SORBS2: variants seen among roughly 807,000 people sequenced by gnomAD.
SORBS2 encodes the protein sorbin and SH3 domain containing 2, also known as sorbin and SH3 domain-containing protein 2.
A neutral mutation model predicts 97.7 loss-of-function variants in SORBS2; 46 were observed. The ratio of observed to expected loss-of-function variants is 0.47; its 90% CI spans 0.37 to 0.60. The LOEUF is 0.60. Among genes scored for constraint, SORBS2 ranks in the 20% least tolerant of loss-of-function variants. SORBS2 has a pLI of 0.00. For synonymous variants in SORBS2, 476 were observed against 473.4 expected (o/e 1.01, Z -0.07); for missense variants, 1,316 against 1,282.3 (o/e 1.03, Z -0.40).
chr4:185,933,962 C>T (rs1042309522), intron 1 of SORBS2, among the ~76,000 whole-genome samples: 3 of 152,182 alleles, frequency 2.0e-5, no homozygotes, highest in African/African-American at 7.2e-5. Context: ...GCCTGCTAAG[C>T]TGCACACTTT....
chr4:185,893,842 T>C (rs1184719754), intron 1 of SORBS2, among the ~76,000 whole-genome samples: 1 of 152,176 alleles, frequency 6.6e-6, no homozygotes, highest in Non-Finnish European at 1.5e-5. Context: ...ACCCTGGAGC[T>C]GCCCTCAGGA....
At chr4:185,894,491 C>G (rs1441804021) in intron 1 of SORBS2, 2 of 152,146 alleles carry the variant, frequency 1.3e-5, no homozygotes, top group African/African-American at 4.8e-5. Context: ...GACATAATCT[C>G]CAGTTCCTTT....
chr4:185,847,319 A>G (rs1389923743), intron 1 of SORBS2, among the ~76,000 whole-genome samples: 1 of 152,138 alleles, frequency 6.6e-6, no homozygotes, highest in Non-Finnish European at 1.5e-5. Context: ...GATTGGAGAA[A>G]AGGGACTGAA....
chr4:185,825,518 T>C (rs957839255), intron 1 of SORBS2, among the ~76,000 whole-genome samples: 2 of 152,262 alleles, frequency 1.3e-5, no homozygotes, highest in Non-Finnish European at 2.9e-5. Flanking sequence ...GTTTGTTTTA[T>C]TTGGATCAGA....
At chr4:185,713,530 C>A (rs1057054967) in intron 2 of SORBS2, among the ~76,000 whole-genome samples, 1 of 151,580 alleles carries the variant, frequency 6.6e-6, no homozygotes, top group Non-Finnish European at 1.5e-5. Flanking sequence ...GACGTTCAGT[C>A]CACGTACTGG....
intron 2 of SORBS2, among the ~76,000 whole-genome samples, chr4:185,681,211 A>T (rs937784818): frequency 6.6e-6 from 1 of 152,134 alleles, no homozygotes; most frequent in African/African-American, 2.4e-5. Context: ...AATAAATCCA[A>T]TTACAGATAC....
intron 1 of SORBS2, among the ~76,000 whole-genome samples, chr4:185,945,195 A>C (rs2150010833): frequency 6.6e-6 from 1 of 152,330 alleles, no homozygotes; most frequent in Middle Eastern, 3.4e-3. Flanking sequence ...AGTTTAGTCC[A>C]CCTATTTGAT....
At position 185,824,012 on chromosome 4, in the gene SORBS2, T is replaced by G. The variant is rs538843242; in HGVS notation, c.-337-48646A>C. 2.6e-5 allele frequency among the ~76,000 whole-genome samples: 4 copies of G among 152,262 alleles called. No individual in the cohort carries two copies. The South Asian group carries it at 6.2e-4, about 24-fold the overall frequency. ...GTTAGGTCATCTTGGGCAGCCTACT[T>G]AACTCTCAGGGTCCTCATTTTTTTG... On this transcript the variant is annotated intron_variant, in intron 1 of 20. Transcript: ENST00000284776.
At chr4:185,685,439 T>G (rs10018782) in intron 2 of SORBS2, among the ~76,000 whole-genome samples, 52,475 of 152,118 alleles carry the variant, frequency 0.34, 9,196 homozygotes, top group Admixed American at 0.4. Context: ...TAGTGTTAGT[T>G]ATGCAAATAA....
rs138511016 is a variant in SORBS2, at chr4:185,590,523, G to A, written c.2847-738C>T. ...CATTTCAAGCAGACTATGGACATAA[G>A]TCTCTTTTTAAAATGAGTCCCAGAA... On this transcript the variant is annotated intron_variant, in intron 13 of 14. Coordinates refer to ENST00000418609, the Ensembl canonical transcript of SORBS2. Among the ~76,000 whole-genome samples the A allele has an allele frequency of 6.5e-3, 996 of 152,226 alleles. 6 individuals are homozygous for A. Among genetic ancestry groups the A allele is most frequent in the Non-Finnish European group, 0.012 (797 of 68,016 alleles).
chr4:185,593,995 T>A, intron 12 of SORBS2, 60 bp from the exon 25 acceptor site: 1 of 1,115,430 alleles, frequency 9.0e-7, no homozygotes, highest in Admixed American at 1.8e-5. Context: ...TAAAAGATAA[T>A]TTGGATAATG....
intron 2 of SORBS2, among the ~76,000 whole-genome samples, chr4:185,697,792 T>G (rs1168468764): frequency 6.6e-6 from 1 of 152,216 alleles, no homozygotes; most frequent in Non-Finnish European, 1.5e-5. Context: ...CACCTTGTAC[T>G]GAGAAGCACA....
At chr4:185,702,978 A>T (rs1583064878) in intron 2 of SORBS2, among the ~76,000 whole-genome samples, 1 of 152,278 alleles carries the variant, frequency 6.6e-6, no homozygotes, top group East Asian at 1.9e-4. Flanking sequence ...AAAATTCAGA[A>T]AAAGGAGATG....
At chr4:185,841,663 C>T (rs1399087328) in intron 1 of SORBS2, among the ~76,000 whole-genome samples, 1 of 152,212 alleles carries the variant, frequency 6.6e-6, no homozygotes, top group Non-Finnish European at 1.5e-5. Flanking sequence ...AGCTTCTGCA[C>T]AATCTCCTGA....
chr4:185,868,210 G>A lies in SORBS2; in HGVS notation c.-338+87986C>T, dbSNP rs547426795. ...CTCACTCTGTCACCCAGGCTGGAGT[G>A]CAGTGGCACGATCTTGGCTCACTGC... is the stretch of plus-strand genomic sequence containing the variant. On this transcript the variant is annotated intron_variant, in intron 1 of 20. Coordinates refer to the SORBS2 transcript ENST00000284776. 4.0e-5 allele frequency among the ~76,000 whole-genome samples: 5 copies of A among 124,806 alleles called. No individual in the cohort carries two copies. The East Asian group carries it at 1.0e-3, about 25-fold the overall frequency. The allele number at this position is 124,806 out of a possible 152,430, so 81.9% of individuals were successfully genotyped here.
intron 1 of SORBS2, among the ~76,000 whole-genome samples, chr4:185,798,161 T>A (rs1389438201): frequency 1.3e-5 from 2 of 151,878 alleles, no homozygotes; most frequent in African/African-American, 2.4e-5. Context: ...TTGTTTAGCA[T>A]CTCCCACATG....
exon 15 of SORBS2, chr4:185,586,364 A>G (rs913389134): frequency 6.6e-6 from 1 of 152,644 alleles, no homozygotes; most frequent in Non-Finnish European, 1.5e-5. Context: ...ATGATTTAAC[A>G]TTGCTTCTAA....
At chr4:185,936,777 T>C (rs1028137913) in intron 1 of SORBS2, among the ~76,000 whole-genome samples, 7 of 152,188 alleles carry the variant, frequency 4.6e-5, no homozygotes, top group Non-Finnish European at 8.8e-5. Context: ...TCCCTTTCCG[T>C]CTGCTTCTAA....
At chr4:185,904,301 C>T (rs988970999) in intron 1 of SORBS2, among the ~76,000 whole-genome samples, 1 of 152,112 alleles carries the variant, frequency 6.6e-6, no homozygotes, top group Non-Finnish European at 1.5e-5. Context: ...TGTATTTGTG[C>T]ACTTTAGAAA....
Sources: gnomAD v4.1 joint callset for allele counts (sites outside exome capture counted in the v4.1 genomes callset) on GRCh38, gnomAD v4.1.1 for gene constraint, MANE v1.5 for transcripts, NCBI Gene and HGNC (gene_info 2026-07-23, HGNC 2026-07-21) for gene names.